Variants in THSD4 observed in about 807,000 individuals in gnomAD.
THSD4 encodes thrombospondin type-1 domain-containing protein 4.
In THSD4, 69 loss-of-function variants were observed where a neutral mutation model predicts 119.0. That is an observed-to-expected ratio of 0.58 (90% CI 0.48 to 0.71). The LOEUF (loss-of-function observed/expected upper bound fraction) is 0.71. Ranked by LOEUF, THSD4 falls within the 30% of genes least tolerant of loss-of-function variation. The pLI is 0.00. For synonymous variants in THSD4, 524 were observed against 540.4 expected, an observed-to-expected ratio of 0.97 and a Z score of 0.42; for missense variants, 1,393 against 1,391.1, an observed-to-expected ratio of 1.00 and a Z score of -0.02.
chr15:71,578,249 C>T (rs1271654693), intron 7 of THSD4, among the ~76,000 whole-genome samples: 1 of 151,214 alleles, frequency 6.6e-6, no homozygotes, highest in Non-Finnish European at 1.5e-5. Context: ...ATCTTGTAAG[C>T]GGCAGTGTAG....
intron 8 of THSD4, among the ~76,000 whole-genome samples, chr15:71,714,371 C>T (rs180782730): frequency 5.5e-4 from 83 of 152,016 alleles, no homozygotes; most frequent in Non-Finnish European, 3.4e-4. Flanking sequence ...TGTTGAATGG[C>T]GGAAAATGCC....
intron 2 of THSD4, among the ~76,000 whole-genome samples, chr15:71,148,972 A>G (rs961443921): frequency 1.1e-4 from 16 of 152,066 alleles, no homozygotes; most frequent in Admixed American, 9.2e-4. Context: ...GCTGAGATCA[A>G]TGGTAGCCAT....
rs933414103 is a variant in THSD4, at chr15:71,547,164, C to T, written c.1153-113366C>T. Reference sequence around the variant, plus strand: ...CTGTTAAAGGCAGCCCCCCAGCTCCCAGCTGGCTCCTGTCCCCTCCCCCAG... The same window carrying T: ...CTGTTAAAGGCAGCCCCCCAGCTCCTAGCTGGCTCCTGTCCCCTCCCCCAG... On this transcript the variant is annotated intron_variant, in intron 7 of 17. Coordinates refer to ENST00000261862, the MANE Select transcript of THSD4 (RefSeq NM_024817.3). The T allele has an allele frequency of 3.8e-6, 5 of 1,299,760 alleles. No individual in the cohort carries two copies. The African/African-American group carries it at 4.6e-5, about 12-fold the overall frequency. 80.5% of individuals were successfully genotyped at this position (1,299,760 alleles called of 1,614,324 possible). A position where few individuals can be genotyped will look rare whatever the true frequency, so the allele number is the denominator to read the frequency against.
chr15:71,513,259 T>G (rs1202423273), intron 7 of THSD4, among the ~76,000 whole-genome samples: 1 of 152,224 alleles, frequency 6.6e-6, no homozygotes, highest in Non-Finnish European at 1.5e-5. Flanking sequence ...ATAGCGGGAT[T>G]GTTACTTCCA....
intron 4 of THSD4, among the ~76,000 whole-genome samples, chr15:71,234,362 A>G (rs1360364487): frequency 3.3e-5 from 5 of 151,940 alleles, no homozygotes; most frequent in Non-Finnish European, 7.4e-5. Context: ...CTGGAGTGCA[A>G]TGGCACGATC....
chr15:71,580,172 A>C (rs1229307196), intron 7 of THSD4, among the ~76,000 whole-genome samples: 1 of 152,134 alleles, frequency 6.6e-6, no homozygotes, highest in Non-Finnish European at 1.5e-5. Flanking sequence ...TATTTCAGGG[A>C]AATGGGCATG....
intron 6 of THSD4, among the ~76,000 whole-genome samples, chr15:71,362,673 A>T (rs956957024): frequency 1.3e-5 from 2 of 152,218 alleles, no homozygotes; most frequent in Non-Finnish European, 2.9e-5. Context: ...TGCAATAAAT[A>T]AATTAATTTC....
intron 7 of THSD4, among the ~76,000 whole-genome samples, chr15:71,473,305 G>A (rs781230991): frequency 1.3e-5 from 2 of 152,088 alleles, no homozygotes; most frequent in Admixed American, 6.5e-5. Context: ...CAATCCACCC[G>A]CCTCAGCCCT....
chr15:71,452,520 CAAAAA>C (rs71281967), intron 7 of THSD4, among the ~76,000 whole-genome samples: 86 of 78,972 alleles, frequency 1.1e-3, no homozygotes, highest in African/African-American at 3.7e-3. Flanking sequence ...TCCCCTCCAC[CAAAAA>C]AAAAAAAAAA....
chr15:71,366,158 C>G (rs2045959954), intron 6 of THSD4, among the ~76,000 whole-genome samples: 1 of 152,160 alleles, frequency 6.6e-6, no homozygotes, highest in Admixed American at 6.5e-5. Context: ...ACTGCAAGCT[C>G]TGCCTCCCAG....
chr15:71,450,493 G>A (rs2047247557), intron 7 of THSD4, among the ~76,000 whole-genome samples: 1 of 152,186 alleles, frequency 6.6e-6, no homozygotes, highest in Admixed American at 6.5e-5. Context: ...TACAAGTTGT[G>A]TGCTCATTCA....
intron 3 of THSD4, among the ~76,000 whole-genome samples, chr15:71,199,549 GGTGT>G (rs2043755257): frequency 2.1e-5 from 3 of 144,090 alleles, no homozygotes; most frequent in African/African-American, 5.4e-5. Flanking sequence ...GTGTATGTGT[GGTGT>G]GTGTATGTGG....
intron 6 of THSD4, among the ~76,000 whole-genome samples, chr15:71,262,451 TG>T (rs1472066106): frequency 6.6e-6 from 1 of 152,168 alleles, no homozygotes; most frequent in African/African-American, 2.4e-5. Context: ...GGAAGCCACT[TG>T]TTTAGGTGCT....
chr15:71,776,661 A>G (rs1016960881), intron 17 of THSD4, among the ~76,000 whole-genome samples: 1 of 152,108 alleles, frequency 6.6e-6, no homozygotes, highest in Non-Finnish European at 1.5e-5. Flanking sequence ...GATGGTAACA[A>G]AACTACTTAA....
At chr15:71,614,190 A>AAG (rs1298266484) in intron 7 of THSD4, among the ~76,000 whole-genome samples, 1 of 152,224 alleles carries the variant, frequency 6.6e-6, no homozygotes, top group Non-Finnish European at 1.5e-5. Flanking sequence ...AAGTACAGAG[A>AAG]AGAGTACCTT....
intron 5 of THSD4, among the ~76,000 whole-genome samples, chr15:71,247,747 G>T (rs2044218132): frequency 6.6e-6 from 1 of 152,162 alleles, no homozygotes; most frequent in Non-Finnish European, 1.5e-5. Context: ...GGCAACACAG[G>T]GCGGAAGTCA....
chr15:71,736,199 CTCTG>C (rs2053100465), intron 10 of THSD4, among the ~76,000 whole-genome samples: 1 of 150,756 alleles, frequency 6.6e-6, no homozygotes, highest in African/African-American at 2.5e-5. Flanking sequence ...CTCTCTTGCT[CTCTG>C]TCTCTCTGTT....
At chr15:71,244,662 G>A (rs2044183620) in intron 5 of THSD4, among the ~76,000 whole-genome samples, 1 of 152,202 alleles carries the variant, frequency 6.6e-6, no homozygotes, top group African/African-American at 2.4e-5. Flanking sequence ...TAACAGAAAA[G>A]TCGTGGTATC....
rs533808667 is a variant in THSD4 at position 71,351,600 on chromosome 15, A to G, written c.1016-60087A>G. Among the ~76,000 whole-genome samples, 13 of 152,282 alleles carry G rather than the reference A, an allele frequency of 8.5e-5. No individual in the cohort carries two copies. The East Asian group carries it at 1.9e-3, about 23-fold the overall frequency. Reference sequence around the variant, plus strand: ...TTCAAAATATCAAAATGCTTCTCACATGTGCTCTTTGCTCACATCATCTGT... The same window carrying G: ...TTCAAAATATCAAAATGCTTCTCACGTGTGCTCTTTGCTCACATCATCTGT... On this transcript the variant is annotated intron_variant, in intron 6 of 17. Coordinates refer to ENST00000261862, the MANE Select transcript of THSD4 (RefSeq NM_024817.3).
Sources: allele counts gnomAD v4.1 joint callset (sites outside exome capture counted in the v4.1 genomes callset), GRCh38; gene constraint gnomAD v4.1.1; transcripts MANE v1.5; gene names NCBI Gene and HGNC (gene_info 2026-07-23, HGNC 2026-07-21).